The following ADAM23 variants were observed in gnomAD, a reference collection of about 807,000 sequenced individuals.
ADAM23 encodes the protein ADAM metallopeptidase domain 23, also known as disintegrin and metalloproteinase domain-containing protein 23.
In ADAM23, 33 loss-of-function variants were observed where a neutral mutation model predicts 120.1. The ratio of observed to expected loss-of-function variants is 0.27; its 90% CI spans 0.21 to 0.37. The LOEUF (loss-of-function observed/expected upper bound fraction) is 0.37, where lower values mean the gene tolerates loss of function less well. Among genes scored for constraint, ADAM23 ranks in the 10% least tolerant of loss-of-function variants. The pLI is 1.00. For missense variants in ADAM23, 862 were observed against 1,058.2 expected (o/e 0.81, Z 2.57); for synonymous variants, 367 against 375.2 (o/e 0.98, Z 0.25).
intron 2 of ADAM23, among the ~76,000 whole-genome samples, chr2:206,449,344 T>G (rs1421163119): frequency 6.6e-6 from 1 of 152,368 alleles, no homozygotes. Context: ...TAATGCAATA[T>G]ATTAATAAAA....
At chr2:206,474,580 T>C (rs1474910341) in intron 2 of ADAM23, among the ~76,000 whole-genome samples, 2 of 152,088 alleles carry the variant, frequency 1.3e-5, no homozygotes, top group African/African-American at 2.4e-5. Context: ...ATTATTATTA[T>C]TGCTATTTTC....
intron 3 of ADAM23, among the ~76,000 whole-genome samples, chr2:206,515,075 G>A (rs1489452883): frequency 2.0e-5 from 3 of 152,102 alleles, no homozygotes; most frequent in African/African-American, 7.2e-5. Flanking sequence ...CTGTATCTCA[G>A]TATAGTCGTG....
intron 15 of ADAM23, among the ~76,000 whole-genome samples, chr2:206,567,833 G>T (rs2105828046): frequency 6.6e-6 from 1 of 152,270 alleles, no homozygotes; most frequent in South Asian, 2.1e-4. Context: ...GGCTAGGGAG[G>T]CCTCAGGAAA....
chr2:206,531,514 C>T (rs1183810222), intron 4 of ADAM23, among the ~76,000 whole-genome samples: 1 of 152,138 alleles, frequency 6.6e-6, no homozygotes, highest in Non-Finnish European at 1.5e-5. Flanking sequence ...GTATCTGATT[C>T]CTTCATTTGG....
intron 18 of ADAM23, among the ~76,000 whole-genome samples, chr2:206,586,777 C>T (rs1016921436): frequency 1.3e-5 from 2 of 152,144 alleles, no homozygotes; most frequent in Admixed American, 6.5e-5. Flanking sequence ...ATAACCATCA[C>T]ATCACAGACT....
chr2:206,455,568 G>A (rs1030629278), intron 2 of ADAM23, among the ~76,000 whole-genome samples: 1 of 152,180 alleles, frequency 6.6e-6, no homozygotes, highest in Non-Finnish European at 1.5e-5. Flanking sequence ...TTTTCCAAAC[G>A]TTTATGCTCT....
At chr2:206,587,767 G>A (rs1698352898) in intron 19 of ADAM23, among the ~76,000 whole-genome samples, 1 of 152,082 alleles carries the variant, frequency 6.6e-6, no homozygotes, top group Non-Finnish European at 1.5e-5. Context: ...CAGATTTGAT[G>A]TTTCCTAACC....
At chr2:206,596,899 CTTTTTTTTTT>C (rs144070768) in intron 24 of ADAM23, among the ~76,000 whole-genome samples, 5 of 82,974 alleles carry the variant, frequency 6.0e-5, no homozygotes, top group East Asian at 4.1e-4. Context: ...ATTATATCAT[CTTTTTTTTTT>C]TTTTTTTTTT....
chr2:206,591,818 A>T (rs1320920220), intron 21 of ADAM23, among the ~76,000 whole-genome samples: 1 of 152,214 alleles, frequency 6.6e-6, no homozygotes, highest in Non-Finnish European at 1.5e-5. Context: ...ACTTGGTATT[A>T]TCAGACTTTT....
At chr2:206,602,273 T>C (rs1559285230) in intron 24 of ADAM23, among the ~76,000 whole-genome samples, 1 of 152,224 alleles carries the variant, frequency 6.6e-6, no homozygotes, top group Non-Finnish European at 1.5e-5. Context: ...CCTATTTTCA[T>C]TGACAGCATA....
rs1484904535 is a variant in ADAM23 at position 206,588,265 on chromosome 2, A to T, written c.1852+111A>T. 2.6e-6 allele frequency: 3 copies of T among 1,135,828 alleles called. No individual in the cohort carries two copies. In the African/African-American group the frequency reaches 4.7e-5, roughly 18 times the overall value. 70.4% of individuals were successfully genotyped at this position (1,135,828 alleles called of 1,614,324 possible). A position where few individuals can be genotyped will look rare whatever the true frequency, so the allele number is the denominator to read the frequency against. ...CACAGCTTGGAGTGATGTTTTAAAAAAATCTAGAAAGGATGAGAATAAAGA... is the reference window on the plus strand; with the variant it reads ...CACAGCTTGGAGTGATGTTTTAAAATAATCTAGAAAGGATGAGAATAAAGA... On this transcript the variant is annotated intron_variant, in intron 20 of 25. Coordinates refer to ENST00000264377, the MANE Select transcript of ADAM23 (RefSeq NM_003812.4).
intron 2 of ADAM23, among the ~76,000 whole-genome samples, chr2:206,464,935 AT>A (rs1695510841): frequency 6.6e-6 from 1 of 152,092 alleles, no homozygotes; most frequent in African/African-American, 2.4e-5. Flanking sequence ...TCAGTTAGGA[AT>A]ATGGCAACTG....
chr2:206,444,595 T>G (rs369198754), intron 1 of ADAM23, among the ~76,000 whole-genome samples: 19 of 152,202 alleles, frequency 1.2e-4, no homozygotes, highest in Admixed American at 8.5e-4. Context: ...GACCTTTGGT[T>G]CTGATTTCTC....
rs767878881 is a variant in ADAM23, at chr2:206,570,734, C to G, written c.1495-6C>G. On this transcript the variant is annotated splice_polypyrimidine_tract_variant and splice_region_variant and intron_variant, in intron 15 of 25. Transcript: ENST00000264377. ...CATTTTTCCCTTCTGTCCCTAATCTCTTTAGCTATTTGAGCCCACGGAATG... is the reference window on the plus strand; with the variant it reads ...CATTTTTCCCTTCTGTCCCTAATCTGTTTAGCTATTTGAGCCCACGGAATG... The G allele has an allele frequency of 1.5e-5, 25 of 1,613,318 alleles. 1 individual carries two copies. In the South Asian group the frequency reaches 2.7e-4, roughly 18 times the overall value.
rs115570305 is a variant in ADAM23, at chr2:206,608,504, G to A, written c.2360-1406G>A. 3.2e-3 allele frequency among the ~76,000 whole-genome samples: 480 copies of A among 152,230 alleles called. 3 individuals are homozygous for A. Among genetic ancestry groups the A allele is most frequent in the African/African-American group, 0.01 (433 of 41,546 alleles). On this transcript the variant is annotated intron_variant, in intron 24 of 25. Coordinates refer to ENST00000264377, the MANE Select transcript of ADAM23 (RefSeq NM_003812.4). Reference sequence around the variant, plus strand: ...TACTATATGTCAAGTGTTCAGTACTGTGTCCAGCACATAGTAAGTGCACAA... The same window carrying A: ...TACTATATGTCAAGTGTTCAGTACTATGTCCAGCACATAGTAAGTGCACAA...
chr2:206,449,485 C>G (rs114871229), intron 2 of ADAM23, among the ~76,000 whole-genome samples: 2,214 of 152,236 alleles, frequency 0.015, 36 homozygotes, highest in Non-Finnish European at 0.026. Context: ...ACTACTTGTC[C>G]TGCTGGGCGT....
Position 206,573,201 on chromosome 2 carries a change from G to A in ADAM23, c.1737+6G>A, listed in dbSNP as rs1189753099. On this transcript the variant is annotated splice_donor_region_variant and intron_variant, in intron 18 of 25. Transcript: ENST00000264377. ...GTACTGGAGACTCTGGTCAGGTATG[G>A]CGCACTGAGTTTTTGGTAATACATT... 6.2e-7 allele frequency: 1 copy of A among 1,613,626 alleles called. No homozygotes were observed. Among genetic ancestry groups the A allele is most frequent in the Non-Finnish European group, 8.5e-7 (1 of 1,179,560 alleles).
At chr2:206,488,502 G>T (rs950816667) in intron 3 of ADAM23, among the ~76,000 whole-genome samples, 1 of 152,186 alleles carries the variant, frequency 6.6e-6, no homozygotes, top group East Asian at 1.9e-4. Context: ...TTCTCAAGCT[G>T]TTTACTCCTC....
chr2:206,546,619 A>G (rs1697403191), intron 6 of ADAM23, among the ~76,000 whole-genome samples: 1 of 152,124 alleles, frequency 6.6e-6, no homozygotes, highest in South Asian at 2.1e-4. Flanking sequence ...ATGTTTCAGA[A>G]TATGTTCTTC....
Sources: allele counts gnomAD v4.1 joint callset (sites outside exome capture counted in the v4.1 genomes callset), GRCh38; gene constraint gnomAD v4.1.1; transcripts MANE v1.5; gene names NCBI Gene and HGNC (gene_info 2026-07-23, HGNC 2026-07-21).